Variants in PACRG observed in about 807,000 individuals in gnomAD.
PACRG encodes parkin coregulated, also known as parkin coregulated gene protein.
PACRG carries 29 observed loss-of-function variants against 29.7 expected under a neutral mutation model. The ratio of observed to expected loss-of-function variants is 0.98; its 90% confidence interval spans 0.73 to 1.33. The LOEUF (loss-of-function observed/expected upper bound fraction) is 1.33, where lower values mean the gene tolerates loss of function less well. Among genes scored for constraint, PACRG ranks in the 40% most tolerant of loss-of-function variants. The probability of loss-of-function intolerance (pLI) is 0.00; values close to 1 mark genes in which losing one functional copy is unlikely to be tolerated. For synonymous variants in PACRG, 116 were observed against 118.7 expected, an observed-to-expected ratio of 0.98 and a Z score of 0.15; for missense variants, 279 against 316.2, an observed-to-expected ratio of 0.88 and a Z score of 0.89.
chr6:162,807,690 T>A (rs2128350047), intron 1 of PACRG, among the ~76,000 whole-genome samples: 1 of 152,226 alleles, frequency 6.6e-6, no homozygotes, highest in East Asian at 1.9e-4. Context: ...GATATAATAA[T>A]GATGAAAAAT....
chr6:162,754,441 T>G (rs1440923756), intron 1 of PACRG, among the ~76,000 whole-genome samples: 3 of 152,324 alleles, frequency 2.0e-5, no homozygotes, highest in East Asian at 1.9e-4. Flanking sequence ...ATTGTTTCCT[T>G]TGCTGTGCAG....
intron 2 of PACRG, among the ~76,000 whole-genome samples, chr6:162,899,172 G>T (rs1046335970): frequency 1.2e-4 from 18 of 152,156 alleles, no homozygotes; most frequent in African/African-American, 4.3e-4. Context: ...CAATTCTTTG[G>T]CTGTCACAGC....
At chr6:163,175,030 G>A (rs774112385) in intron 4 of PACRG, among the ~76,000 whole-genome samples, 2 of 152,146 alleles carry the variant, frequency 1.3e-5, no homozygotes, top group African/African-American at 4.8e-5. Flanking sequence ...ATGTTACTGC[G>A]TCATCTACTT....
chr6:163,118,757 G>A (rs1816132359), intron 4 of PACRG, among the ~76,000 whole-genome samples: 1 of 152,180 alleles, frequency 6.6e-6, no homozygotes, highest in South Asian at 2.1e-4. Context: ...TGTTCAATCT[G>A]CCTTCAAGGG....
chr6:163,165,223 C>A (rs1778742586), intron 4 of PACRG, among the ~76,000 whole-genome samples: 1 of 152,158 alleles, frequency 6.6e-6, no homozygotes, highest in South Asian at 2.1e-4. Flanking sequence ...TGGAGATGCA[C>A]GTTAAGTGCT....
chr6:162,727,585 C>A (rs111508614), upstream of PACRG: 9 of 1,464,138 alleles, frequency 6.1e-6, no homozygotes, highest in East Asian at 1.2e-4. Context: ...GGGTCCTGGT[C>A]GGCCGAGGCG....
At chr6:163,126,389 C>A (rs149109133) in intron 4 of PACRG, among the ~76,000 whole-genome samples, 94 of 152,288 alleles carry the variant, frequency 6.2e-4, no homozygotes, top group African/African-American at 2.1e-3. Flanking sequence ...CCTAGATGAG[C>A]CTTCCCACTT....
At chr6:163,288,783 A>C (rs1406133483) in intron 4 of PACRG, among the ~76,000 whole-genome samples, 2 of 152,224 alleles carry the variant, frequency 1.3e-5, no homozygotes, top group African/African-American at 4.8e-5. Context: ...AGGGACCATA[A>C]ATTAGTTCTA....
Position 163,210,510 on chromosome 6 carries a change from C to A in PACRG, c.614-104317C>A, listed in dbSNP as rs575154337. On this transcript the variant is annotated intron_variant, in intron 4 of 4. Coordinates refer to ENST00000366888, the MANE Select transcript of PACRG (RefSeq NM_001080379.2). ...GGCCTTAGAAGGTGGAGCTTCCAAG[C>A]GGATGCACCCATTTCTATGGGCTGA... 3.9e-5 allele frequency among the ~76,000 whole-genome samples: 6 copies of A among 152,264 alleles called. No homozygotes were observed. The South Asian group carries it at 1.0e-3, about 26-fold the overall frequency.
chr6:162,970,418 G>A (rs566217527), intron 2 of PACRG, among the ~76,000 whole-genome samples: 5 of 152,062 alleles, frequency 3.3e-5, no homozygotes, highest in Admixed American at 6.5e-5. Flanking sequence ...TGAACGTGCC[G>A]GGGACCACCT....
At chr6:163,018,610 T>C (rs1437021795) in intron 2 of PACRG, among the ~76,000 whole-genome samples, 1 of 152,186 alleles carries the variant, frequency 6.6e-6, no homozygotes, top group Non-Finnish European at 1.5e-5. Flanking sequence ...CCTTTATGAG[T>C]GAATTGGTAA....
chr6:163,063,732 C>T (rs1457576608), intron 3 of PACRG, among the ~76,000 whole-genome samples: 1 of 152,012 alleles, frequency 6.6e-6, no homozygotes, highest in African/African-American at 2.4e-5. Context: ...TGAAACCAAA[C>T]CAAAGGACGG....
intron 4 of PACRG, among the ~76,000 whole-genome samples, chr6:163,234,442 C>G (rs1438042156): frequency 6.6e-6 from 1 of 152,176 alleles, no homozygotes; most frequent in East Asian, 1.9e-4. Context: ...CCTTCGTCTT[C>G]CACAATAAAT....
intron 2 of PACRG, among the ~76,000 whole-genome samples, chr6:162,903,631 A>T (rs114333125): frequency 0.011 from 1,743 of 152,282 alleles, 33 homozygotes; most frequent in African/African-American, 0.04. Context: ...TGAGTCAGTT[A>T]TCTCCCACTG....
chr6:163,141,342 C>A (rs532197746), intron 4 of PACRG, among the ~76,000 whole-genome samples: 3 of 151,986 alleles, frequency 2.0e-5, no homozygotes, highest in East Asian at 1.9e-4. Flanking sequence ...GTAAGAAGAA[C>A]AAACCCACAG....
chr6:162,733,174 T>C (rs1036284519), intron 1 of PACRG, among the ~76,000 whole-genome samples: 1 of 152,196 alleles, frequency 6.6e-6, no homozygotes, highest in African/African-American at 2.4e-5. Flanking sequence ...AAGAAGCTTA[T>C]ATTTTTGTGG....
At chr6:162,951,584 A>G (rs539561571) in intron 2 of PACRG, among the ~76,000 whole-genome samples, 1 of 152,348 alleles carries the variant, frequency 6.6e-6, no homozygotes, top group East Asian at 1.9e-4. Flanking sequence ...CTGAGAACAG[A>G]GTACCTGACC....
intron 2 of PACRG, among the ~76,000 whole-genome samples, chr6:162,828,498 A>G (rs370102790): frequency 5.3e-5 from 8 of 152,346 alleles, no homozygotes; most frequent in African/African-American, 1.9e-4. Context: ...TGCTCTGGAA[A>G]TACAGCAGTG....
At chr6:162,750,219 T>A (rs1053918342) in intron 1 of PACRG, among the ~76,000 whole-genome samples, 3 of 152,238 alleles carry the variant, frequency 2.0e-5, no homozygotes, top group Non-Finnish European at 4.4e-5. Flanking sequence ...TAAATTTTAT[T>A]TCAGCCTTAG....
Sources: gnomAD v4.1 joint callset for allele counts (sites outside exome capture counted in the v4.1 genomes callset) on GRCh38, gnomAD v4.1.1 for gene constraint, MANE v1.5 for transcripts, NCBI Gene and HGNC (gene_info 2026-07-23, HGNC 2026-07-21) for gene names.